KLF5: variants seen among roughly 807,000 people sequenced by gnomAD.
The protein encoded by KLF5 is KLF transcription factor 5.
KLF5 carries 9 observed loss-of-function variants against 36.9 expected under a neutral mutation model. The observed-to-expected ratio is 0.24, with a 90% CI of 0.15 to 0.43. KLF5 has a LOEUF of 0.43. Ranked by LOEUF, KLF5 falls within the 20% of genes least tolerant of loss-of-function variation. The pLI, the probability that KLF5 is intolerant of heterozygous loss-of-function variation, is 1.00. For synonymous variants in KLF5, 246 were observed against 241.7 expected (o/e 1.02, Z -0.17); for missense variants, 524 against 599.5 (o/e 0.87, Z 1.31).
chr13:73,063,229 G>A (rs953689572), intron 2 of KLF5, among the ~76,000 whole-genome samples: 7 of 152,154 alleles, frequency 4.6e-5, no homozygotes, highest in Non-Finnish European at 1.0e-4. Context: ...GTACAAGACT[G>A]TCTACAAGAC....
intron 1 of KLF5, chr13:73,060,647 TC>T (rs1327976668): frequency 6.6e-6 from 1 of 152,180 alleles, no homozygotes; most frequent in Non-Finnish European, 1.5e-5. Flanking sequence ...GGAAACCCCG[TC>T]CGCATCCACA....
At position 73,069,559 on chromosome 13, in the gene KLF5, AT is replaced by A. The variant is rs200901431; in HGVS notation, c.1195+5685del. 6.3e-3 allele frequency among the ~76,000 whole-genome samples: 961 copies of A among 151,418 alleles called. 5 individuals carry two copies. Among genetic ancestry groups the A allele is most frequent in the Non-Finnish European group, 9.3e-3 (632 of 67,804 alleles). ...TTTTGTGTATTGATAATTTCAAACA[AT>A]TTTTTTTTAAAGTAGTAGCTTAAGA... On this transcript the variant is annotated intron_variant, in intron 3 of 3. Coordinates refer to ENST00000377687, the MANE Select transcript of KLF5 (RefSeq NM_001730.5).
chr13:73,069,652 A>G (rs965174385), intron 3 of KLF5, among the ~76,000 whole-genome samples: 1 of 152,162 alleles, frequency 6.6e-6, no homozygotes, highest in African/African-American at 2.4e-5. Flanking sequence ...ATTTCTTTTT[A>G]ATGACTCACT....
upstream of KLF5, among the ~76,000 whole-genome samples, chr13:73,058,329 A>G (rs1053915875): frequency 2.0e-5 from 3 of 152,186 alleles, no homozygotes; most frequent in African/African-American, 7.2e-5. Context: ...AGGAGTGGGA[A>G]AAACCCAGGC....
Position 73,075,969 on chromosome 13 carries a change from AC to A in KLF5, c.*84del. On this transcript the variant is annotated 3_prime_UTR_variant, in exon 4 of 4. Coordinates refer to ENST00000377687, the MANE Select transcript of KLF5 (RefSeq NM_001730.5). ...CTATTCCTGTGTAAAAACAACAAAA[AC>A]AAACAAAAGCAAGAAAACCACAACT... The A allele has an allele frequency of 3.6e-6, 4 of 1,110,208 alleles. No homozygotes were observed. Among genetic ancestry groups the A allele is most frequent in the Middle Eastern group, 2.5e-4 (1 of 4,028 alleles). 68.8% of individuals were successfully genotyped at this position (1,110,208 alleles called of 1,614,324 possible). A position where few individuals can be genotyped will look rare whatever the true frequency, so the allele number is the denominator to read the frequency against.
rs1380941229 is a variant in KLF5 at position 73,076,943 on chromosome 13, GAC to G, written c.*1061_*1062del. ...GGATTTTGCATGTAATACACAGTGA[GAC>G]ACAGTAATTTTATCTAAATTACAGT... On this transcript the variant is annotated 3_prime_UTR_variant, in exon 4 of 4. Transcript: ENST00000377687. The G allele has an allele frequency of 2.0e-5, 3 of 152,318 alleles. No individual in the cohort carries two copies. Among genetic ancestry groups the G allele is most frequent in the Non-Finnish European group, 4.4e-5 (3 of 68,022 alleles). The allele number at this position is 152,318 out of a possible 1,614,324, so 9.4% of individuals were successfully genotyped here.
At chr13:73,072,222 A>AGG (rs57574208) in intron 3 of KLF5, among the ~76,000 whole-genome samples, 2 of 151,590 alleles carry the variant, frequency 1.3e-5, no homozygotes, top group Non-Finnish European at 2.9e-5. Flanking sequence ...AGTCATTCAG[A>AGG]GGGGGGAAAA....
intron 3 of KLF5, among the ~76,000 whole-genome samples, chr13:73,069,755 C>G (rs2044709168): frequency 6.6e-6 from 1 of 152,122 alleles, no homozygotes; most frequent in South Asian, 2.1e-4. Flanking sequence ...GATGATAAAG[C>G]TTATCAAAAG....
rs1555337668 is a variant in KLF5 at position 73,077,239 on chromosome 13, C to G, written c.*1353C>G. 6.6e-6 allele frequency: 1 copy of G among 152,414 alleles called. No individual in the cohort carries two copies. The highest frequency in any genetic ancestry group is 1.5e-5 in the Non-Finnish European group (1 of 67,982). 9.4% of individuals were successfully genotyped at this position (152,414 alleles called of 1,614,324 possible). On this transcript the variant is annotated 3_prime_UTR_variant, in exon 4 of 4. Transcript: ENST00000377687. The stretch of plus-strand genomic sequence containing the variant: ...TTTTTTTAGAAGACAATTTTCATAA[C>G]TTGATAAATTATAGTTTTGTTTGTT...
chr13:73,063,298 T>C (rs1252207709), intron 2 of KLF5, among the ~76,000 whole-genome samples: 1 of 152,194 alleles, frequency 6.6e-6, no homozygotes, highest in Non-Finnish European at 1.5e-5. Flanking sequence ...ATGACATACA[T>C]GGCCCAAAGT....
At chr13:73,055,583 G>A (rs555648700), upstream of KLF5, among the ~76,000 whole-genome samples, 1 of 152,110 alleles carries the variant, frequency 6.6e-6, no homozygotes, top group South Asian at 2.1e-4. Flanking sequence ...TTAGGTGGTT[G>A]CCATTAATGA....
chr13:73,062,240 C>T lies in KLF5; in HGVS notation c.641C>T (p.Thr214Ile). 1.9e-6 allele frequency: 3 copies of T among 1,614,162 alleles called. No homozygotes were observed. Among genetic ancestry groups the T allele is most frequent in the South Asian group, 2.2e-5 (2 of 91,088 alleles). ...NNIFIKQELP[T>I]PDLHLSVPTQ... ...ATTTTCATCAAACAAGAACTTCCTA[C>T]ACCAGATCTTCATCTTTCTGTCCCT... is the stretch of plus-strand genomic sequence containing the variant. The change falls in exon 2 of 4, where the codon ACA (threonine) becomes ATA (isoleucine). Residue 214 changes from threonine (T) to isoleucine (I), a missense_variant. Around this residue, in one of 4 missense-constraint regions of KLF5, gnomAD observed 454 missense variants for 458.1 expected, o/e 0.99. Coordinates refer to ENST00000377687, the MANE Select transcript of KLF5 (RefSeq NM_001730.5).
intron 3 of KLF5, among the ~76,000 whole-genome samples, chr13:73,067,805 A>T (rs945608653): frequency 6.6e-6 from 1 of 151,454 alleles, no homozygotes; most frequent in Admixed American, 6.6e-5. Context: ...AAATGGAAAC[A>T]TTGTACAAAT....
rs1241870392 is a variant in KLF5 at position 73,059,036 on chromosome 13, C to T, written c.-292C>T. On this transcript the variant is annotated 5_prime_UTR_variant, in exon 1 of 4. Coordinates refer to ENST00000377687, the MANE Select transcript of KLF5 (RefSeq NM_001730.5). ...GGGGCAGGTACGTGCGCTCGCGGTT[C>T]TCTCGCGGAGGTCGGCGGTGGCGGG... is the stretch of plus-strand genomic sequence containing the variant. The T allele has an allele frequency of 6.9e-6, 2 of 289,674 alleles. No homozygotes were observed. The highest frequency in any genetic ancestry group is 1.3e-5 in the Non-Finnish European group (2 of 155,872). 17.9% of individuals were successfully genotyped at this position (289,674 alleles called of 1,614,324 possible).
At chr13:73,069,179 AT>A (rs1192069187) in intron 3 of KLF5, among the ~76,000 whole-genome samples, 2 of 152,236 alleles carry the variant, frequency 1.3e-5, no homozygotes, top group African/African-American at 4.8e-5. Context: ...TAAAAGCAAC[AT>A]TCAGTGTTCT....
At chr13:73,074,957 A>G (rs2044749049) in intron 3 of KLF5, 2 of 152,238 alleles carry the variant, frequency 1.3e-5, no homozygotes, top group Admixed American at 6.5e-5. Flanking sequence ...GAAAAACTAA[A>G]TACAAGTCAA....
chr13:73,064,605 G>C (rs2044665993), intron 3 of KLF5, among the ~76,000 whole-genome samples: 1 of 152,154 alleles, frequency 6.6e-6, no homozygotes, highest in Admixed American at 6.5e-5. Context: ...GTGCAGTGGT[G>C]TGATCTCAGT....
intron 3 of KLF5, among the ~76,000 whole-genome samples, chr13:73,065,814 T>C (rs1194563249): frequency 6.6e-6 from 1 of 152,206 alleles, no homozygotes; most frequent in Non-Finnish European, 1.5e-5. Context: ...CATATAACGA[T>C]GTAATCAACT....
intron 1 of KLF5, 24 bp from the exon 2 acceptor site, chr13:73,061,837 C>T: frequency 6.3e-7 from 1 of 1,598,092 alleles, no homozygotes; most frequent in Middle Eastern, 1.8e-4. Context: ...GTGGATTATG[C>T]ATTTTATATC....
Sources: gnomAD v4.1 joint callset for allele counts (sites outside exome capture counted in the v4.1 genomes callset) on GRCh38, gnomAD v4.1.1 for gene constraint, gnomAD v4.1.1 regional missense constraint, MANE v1.5 for transcripts, NCBI Gene and HGNC (gene_info 2026-07-23, HGNC 2026-07-21) for gene names.